NONO: variants seen among roughly 807,000 people sequenced by gnomAD.
The protein encoded by NONO is non-POU domain containing octamer binding.
Under a neutral mutation model 40.2 loss-of-function variants are expected in NONO, and 6 were observed. The ratio of observed to expected loss-of-function variants is 0.15; its 90% CI spans 0.08 to 0.29. NONO has a LOEUF of 0.29. Among genes scored for constraint, NONO ranks in the 10% least tolerant of loss-of-function variants. The pLI, the probability that NONO is intolerant of heterozygous loss-of-function variation, is 1.00. For synonymous variants in NONO, 89 were observed against 123.3 expected (o/e 0.72, Z 1.85); for missense variants, 133 against 397.8 (o/e 0.33, Z 5.66).
intron 5 of NONO, among the ~76,000 whole-genome samples, chrX:71,294,936 T>G (rs2031403360): frequency 9.9e-6 from 1 of 100,839 alleles, no homozygotes; most frequent in African/African-American, 3.8e-5. Context: ...AATAAAAGAC[T>G]GGGCAAAACA....
intron 4 of NONO, among the ~76,000 whole-genome samples, chrX:71,293,814 T>C (rs1602387366): frequency 9.1e-6 from 1 of 110,388 alleles, no homozygotes; most frequent in African/African-American, 3.3e-5. Context: ...TGTATTTTAG[T>C]AGAGACCAGG....
chrX:71,293,610 G>C (rs961477108), intron 4 of NONO, among the ~76,000 whole-genome samples: 1 of 109,733 alleles, frequency 9.1e-6, no homozygotes, highest in African/African-American at 3.3e-5. Context: ...TATTCTAGGT[G>C]GTTTTAGGGT....
At chrX:71,292,182 T>C in intron 4 of NONO, 1 of 303,667 alleles carries the variant, frequency 3.3e-6, no homozygotes, top group Non-Finnish European at 5.6e-6. Flanking sequence ...ATACTGGAGC[T>C]AAAGTATGCC....
intron 2 of NONO, among the ~76,000 whole-genome samples, chrX:71,288,091 A>G (rs2031238621): frequency 1.2e-5 from 1 of 81,615 alleles, no homozygotes; most frequent in African/African-American, 4.5e-5. Context: ...TTTTTAAATG[A>G]TAGAATTTAA....
At chrX:71,297,156 G>A in intron 7 of NONO, 109 bp downstream of exon 7, 1 of 775,991 alleles carries the variant, frequency 1.3e-6, no homozygotes, top group Non-Finnish European at 1.8e-6. Context: ...TTTATACTTA[G>A]TTTGCGTTGA....
intron 4 of NONO, 149 bp downstream of exon 4, chrX:71,292,121 T>A (rs1347510594): frequency 2.5e-6 from 1 of 407,019 alleles, no homozygotes; most frequent in Non-Finnish European, 4.1e-6. Context: ...TGGCACATTT[T>A]AATTTTTCCT....
rs2031253893 is a variant in NONO, at chrX:71,288,599, TC to T, written c.-9-2029del. On this transcript the variant is annotated intron_variant, in intron 2 of 11. Transcript: ENST00000276079. ...TAGAGATGGGGTTTCACCATGTTGG[TC>T]AGGCTGTTCTTGCACTCCTGACCTC... Among the ~76,000 whole-genome samples the T allele has an allele frequency of 2.7e-5, 3 of 111,822 alleles. No individual in the cohort carries two copies. In the Admixed American group the frequency reaches 2.8e-4, roughly 11 times the overall value.
intron 2 of NONO, chrX:71,285,087 T>C (rs747870623): frequency 8.9e-6 from 1 of 112,367 alleles, no homozygotes; most frequent in East Asian, 2.8e-4. Context: ...TAGGAAGAAA[T>C]ACTTCTCAAG....
chrX:71,300,869 T>C lies in NONO; in HGVS notation c.*793T>C, dbSNP rs1019646050. 1 of 160,758 alleles carries C rather than the reference T, an allele frequency of 6.2e-6. No individual in the cohort carries two copies. Among genetic ancestry groups the C allele is most frequent in the African/African-American group, 3.0e-5 (1 of 32,965 alleles). The allele number at this position is 160,758 out of a possible 1,213,427, so 13.2% of individuals were successfully genotyped here. On this transcript the variant is annotated 3_prime_UTR_variant, in exon 12 of 12. Coordinates refer to ENST00000276079, the MANE Select transcript of NONO (RefSeq NM_007363.5). Reference sequence around the variant, plus strand: ...TTAGTGTATCTTTAAAAAAAAATCTTGTGTTAACTTGCCTCCATCTTTTTC... The same window carrying C: ...TTAGTGTATCTTTAAAAAAAAATCTCGTGTTAACTTGCCTCCATCTTTTTC...
chrX:71,297,501 A>G (rs1260750299), intron 8 of NONO, 40 bp downstream of exon 8: 4 of 976,731 alleles, frequency 4.1e-6, no homozygotes, highest in Non-Finnish European at 5.7e-6. Flanking sequence ...CAACTCTAAA[A>G]GGTAATGTCT....
At chrX:71,284,642 A>G (rs933483376) in intron 2 of NONO, among the ~76,000 whole-genome samples, 189 bp downstream of exon 2, 2 of 112,306 alleles carry the variant, frequency 1.8e-5, no homozygotes, top group East Asian at 5.6e-4. Context: ...CCCTGGTTAT[A>G]TTTATACTGT....
intron 8 of NONO, 46 bp downstream of exon 8, chrX:71,297,507 T>C: frequency 2.1e-6 from 2 of 931,288 alleles, no homozygotes; most frequent in South Asian, 2.2e-5. Context: ...TAAAAGGTAA[T>C]GTCTCACTCC....
Position 71,291,764 on chromosome X carries a change from T to C in NONO, c.155-15T>C. On this transcript the variant is annotated splice_polypyrimidine_tract_variant and intron_variant, in intron 3 of 11. Coordinates refer to ENST00000276079, the MANE Select transcript of NONO (RefSeq NM_007363.5). ...ATTTCCCCAGTCTTTTAAGTGACTG[T>C]GTGTCTTCTCTCAGATGAAGGCTTG... 4 of 1,149,098 alleles carry C rather than the reference T, an allele frequency of 3.5e-6. No homozygotes were observed. Among genetic ancestry groups the C allele is most frequent in the Non-Finnish European group, 4.6e-6 (4 of 861,697 alleles). The allele number at this position is 1,149,098 out of a possible 1,213,427, so 94.7% of individuals were successfully genotyped here.
intron 2 of NONO, among the ~76,000 whole-genome samples, chrX:71,286,558 G>A (rs1008835293): frequency 9.0e-6 from 1 of 111,220 alleles, no homozygotes; most frequent in African/African-American, 3.3e-5. Flanking sequence ...TTTCATTTTT[G>A]CCTACCTTCT....
chrX:71,297,996 TTGTCTG>T, intron 9 of NONO, 58 bp downstream of exon 9: 1 of 802,195 alleles, frequency 1.2e-6, no homozygotes, highest in Non-Finnish European at 1.9e-6. Context: ...TCACCATGAA[TTGTCTG>T]CTAGGTTACC....
At chrX:71,292,152 TAAC>T (rs1418977213) in intron 4 of NONO, 180 bp downstream of exon 4, 3 of 362,979 alleles carry the variant, frequency 8.3e-6, no homozygotes, top group Non-Finnish European at 1.4e-5. Flanking sequence ...GTTTCAAGGA[TAAC>T]AAGTTTTTTG....
intron 4 of NONO, 34 bp from the exon 5 acceptor site, chrX:71,294,193 A>G (rs1442237620): frequency 8.4e-7 from 1 of 1,195,370 alleles, no homozygotes; most frequent in African/African-American, 1.7e-5. Flanking sequence ...TTCTTTGTCA[A>G]ACTGAGTTAT....
At chrX:71,289,742 C>T (rs779603207) in intron 2 of NONO, among the ~76,000 whole-genome samples, 1 of 111,150 alleles carries the variant, frequency 9.0e-6, no homozygotes, top group East Asian at 2.8e-4. Context: ...GCTGGGACTA[C>T]GGCACCACTA....
intron 11 of NONO, among the ~76,000 whole-genome samples, chrX:71,299,274 C>T (rs201535783): frequency 8.9e-6 from 1 of 112,592 alleles, no homozygotes; most frequent in African/African-American, 3.2e-5. Context: ...CCTCGGTTTC[C>T]CAAAGTGCTG....
Sources: gnomAD v4.1 joint callset for allele counts (sites outside exome capture counted in the v4.1 genomes callset) on GRCh38, gnomAD v4.1.1 for gene constraint, MANE v1.5 for transcripts, NCBI Gene and HGNC (gene_info 2026-07-23, HGNC 2026-07-21) for gene names.